Variants in VPS53 observed in about 807,000 individuals in gnomAD.
The protein encoded by VPS53 is VPS53 subunit of GARP complex.
VPS53 carries 70 observed loss-of-function variants against 107.0 expected under a neutral mutation model. The observed-to-expected ratio is 0.65, with a 90% CI of 0.54 to 0.80. The LOEUF is 0.80. Ranked by LOEUF, VPS53 falls within the 30% of genes least tolerant of loss-of-function variation. The pLI is 0.00. For missense variants in VPS53, 917 were observed against 1,049.4 expected, an observed-to-expected ratio of 0.87 and a Z score of 1.74; for synonymous variants, 409 against 393.3, an observed-to-expected ratio of 1.04 and a Z score of -0.47.
Position 518,933 on chromosome 17 carries a change from CA to C in VPS53, c.*194del, listed in dbSNP as rs983792252. 2 of 576,934 alleles carry C rather than the reference CA, an allele frequency of 3.5e-6. No homozygotes were observed. Among genetic ancestry groups the C allele is most frequent in the African/African-American group, 3.8e-5 (2 of 52,360 alleles). The allele number at this position is 576,934 out of a possible 1,614,324, so 35.7% of individuals were successfully genotyped here. A position where few individuals can be genotyped will look rare whatever the true frequency, so the allele number is the denominator to read the frequency against. On this transcript the variant is annotated 3_prime_UTR_variant, in exon 22 of 22. Transcript: ENST00000437048. ...TCACCTAAATCGCCCTCTTAGAGCC[CA>C]GCCCTTACTCAGCGTCTCCGATTAG...
At chr17:657,104 T>C in intron 5 of VPS53, 12 of 1,100,868 alleles carry the variant, frequency 1.1e-5, no homozygotes, top group Non-Finnish European at 1.7e-5. Context: ...CAAATCAATC[T>C]GAATGGTGTC....
At chr17:624,312 C>A (rs1215832931) in intron 10 of VPS53, among the ~76,000 whole-genome samples, 1 of 152,078 alleles carries the variant, frequency 6.6e-6, no homozygotes, top group East Asian at 1.9e-4. Flanking sequence ...TCCTGAGGGC[C>A]CAATAATCAT....
At chr17:585,345 G>A (rs1967253623) in intron 13 of VPS53, among the ~76,000 whole-genome samples, 1 of 152,180 alleles carries the variant, frequency 6.6e-6, no homozygotes, top group Admixed American at 6.6e-5. Flanking sequence ...ACACACTGAG[G>A]TCGTGAAAGA....
chr17:601,701 G>T, intron 12 of VPS53, 94 bp downstream of exon 12: 1 of 928,152 alleles, frequency 1.1e-6, no homozygotes, highest in Non-Finnish European at 1.6e-6. Flanking sequence ...TCTGAACGTG[G>T]CCAAGAGCCA....
rs1051785612 is a variant in VPS53, at chr17:516,789, T to C, written c.*2339A>G. On this transcript the variant is annotated 3_prime_UTR_variant, in exon 22 of 22. Coordinates refer to ENST00000437048, the MANE Select transcript of VPS53 (RefSeq NM_001128159.3). ...TAACAGAAACTCCTACTGACATCCA[T>C]TGGTTCCTTGGGGATTACTGACAAT... is the stretch of plus-strand genomic sequence containing the variant. 1 of 152,230 alleles carries C rather than the reference T, an allele frequency of 6.6e-6. No individual in the cohort carries two copies. Among genetic ancestry groups the C allele is most frequent in the East Asian group, 1.9e-4 (1 of 5,188 alleles). 9.4% of individuals were successfully genotyped at this position (152,230 alleles called of 1,614,324 possible).
intron 4 of VPS53, among the ~76,000 whole-genome samples, chr17:666,581 G>A (rs35716682): frequency 0.32 from 48,120 of 151,542 alleles, 9,817 homozygotes; most frequent in African/African-American, 0.59. Flanking sequence ...GGATAATCGC[G>A]TGAACCCAGG....
chr17:611,862 A>G (rs997365658), intron 11 of VPS53, among the ~76,000 whole-genome samples: 1 of 152,110 alleles, frequency 6.6e-6, no homozygotes, highest in African/African-American at 2.4e-5. Context: ...AAATATTCAC[A>G]TAGTGAGTTC....
chr17:589,909 T>C (rs1967549041), intron 12 of VPS53, among the ~76,000 whole-genome samples: 1 of 152,050 alleles, frequency 6.6e-6, no homozygotes, highest in African/African-American at 2.4e-5. Flanking sequence ...TCCAATTCTG[T>C]GAAGAAAGTC....
intron 4 of VPS53, among the ~76,000 whole-genome samples, chr17:678,195 G>A (rs1289189631): frequency 6.6e-6 from 1 of 152,040 alleles, no homozygotes; most frequent in East Asian, 1.9e-4. Context: ...TGAGGCAGGC[G>A]GACTGCCTGA....
intron 19 of VPS53, among the ~76,000 whole-genome samples, chr17:528,314 C>G (rs1250359545): frequency 6.6e-6 from 1 of 152,168 alleles, no homozygotes; most frequent in Non-Finnish European, 1.5e-5. Flanking sequence ...ACGGATTTGC[C>G]TGTTCTGGAC....
intron 2 of VPS53, chr17:705,993 A>G (rs1227013888): frequency 6.6e-6 from 1 of 152,214 alleles, no homozygotes; most frequent in Non-Finnish European, 1.5e-5. Flanking sequence ...TTGAGCAAGT[A>G]AGGCCCTGGG....
At chr17:712,236 A>AGT (rs1169137638) in intron 1 of VPS53, among the ~76,000 whole-genome samples, 2 of 139,398 alleles carry the variant, frequency 1.4e-5, no homozygotes, top group East Asian at 4.3e-4. Context: ...GCTGGAAGGC[A>AGT]GTGGCACCAT....
intron 11 of VPS53, among the ~76,000 whole-genome samples, chr17:610,348 ATG>A (rs1270631090): frequency 6.6e-6 from 1 of 152,258 alleles, no homozygotes; most frequent in East Asian, 1.9e-4. Context: ...ATATTTTCAT[ATG>A]TGTGTGTGAG....
At chr17:620,522 C>T (rs1597392096) in intron 11 of VPS53, among the ~76,000 whole-genome samples, 1 of 152,164 alleles carries the variant, frequency 6.6e-6, no homozygotes, top group South Asian at 2.1e-4. Context: ...ACATTAGCTC[C>T]GTGGCCTGGA....
chr17:672,237 C>T (rs1971994776), intron 4 of VPS53, among the ~76,000 whole-genome samples: 1 of 148,244 alleles, frequency 6.7e-6, no homozygotes, highest in Admixed American at 6.8e-5. Context: ...TCTTTGGCTT[C>T]AGCTGTTTGA....
At chr17:672,547 A>G (rs760797425) in intron 4 of VPS53, among the ~76,000 whole-genome samples, 2 of 152,244 alleles carry the variant, frequency 1.3e-5, no homozygotes, top group African/African-American at 2.4e-5. Flanking sequence ...TTTGTAAATA[A>G]GATGGCTAAG....
At chr17:571,574 G>T (rs8082165) in intron 13 of VPS53, among the ~76,000 whole-genome samples, 1 of 134,044 alleles carries the variant, frequency 7.5e-6, no homozygotes. Flanking sequence ...CTCTTTCCAC[G>T]GTCTCCCTCT....
intron 11 of VPS53, among the ~76,000 whole-genome samples, chr17:617,574 C>A (rs1463061183): frequency 1.3e-5 from 2 of 151,954 alleles, no homozygotes; most frequent in Non-Finnish European, 2.9e-5. Flanking sequence ...ACTAATATTT[C>A]CCGGGTAGCT....
At chr17:620,501 C>G (rs975407594) in intron 11 of VPS53, among the ~76,000 whole-genome samples, 1 of 152,194 alleles carries the variant, frequency 6.6e-6, no homozygotes, top group African/African-American at 2.4e-5. Flanking sequence ...AGCTCAGTTT[C>G]ACGGTCTTAC....
Sources: allele counts gnomAD v4.1 joint callset (sites outside exome capture counted in the v4.1 genomes callset), GRCh38; gene constraint gnomAD v4.1.1; transcripts MANE v1.5; gene names NCBI Gene and HGNC (gene_info 2026-07-23, HGNC 2026-07-21).